The following STK33 variants were observed in gnomAD, a reference collection of about 807,000 sequenced individuals.
The protein encoded by STK33 is serine/threonine-protein kinase 33.
Under a neutral mutation model 58.0 loss-of-function variants are expected in STK33, and 52 were observed. That is an observed-to-expected ratio of 0.90 (90% CI 0.72 to 1.13). STK33 has a LOEUF of 1.13. STK33 is among the 50% of genes most tolerant of loss of function. The pLI is 0.00. For synonymous variants in STK33, 215 were observed against 200.1 expected, an observed-to-expected ratio of 1.07 and a Z score of -0.63; for missense variants, 630 against 604.2, an observed-to-expected ratio of 1.04 and a Z score of -0.45.
At chr11:8,385,668 T>C in the STK33 span, among the ~76,000 whole-genome samples, 1 of 152,224 alleles carries the variant, frequency 6.6e-6, no homozygotes, top group Non-Finnish European at 1.5e-5. Flanking sequence ...TGGGCAATGG[T>C]TTTGACTGCC....
At chr11:8,372,319 G>C in the STK33 span, among the ~76,000 whole-genome samples, 1 of 152,196 alleles carries the variant, frequency 6.6e-6, no homozygotes, top group Non-Finnish European at 1.5e-5. Flanking sequence ...CTGCAAAGCA[G>C]GGGGCTTTGA....
intron 12 of STK33, among the ~76,000 whole-genome samples, chr11:8,436,622 T>A (rs1944099208): frequency 6.6e-6 from 1 of 152,204 alleles, no homozygotes; most frequent in Non-Finnish European, 1.5e-5. Flanking sequence ...AATGGCCACC[T>A]AAGGCTTTTA....
At chr11:8,408,132 T>C (rs886542446) in intron 15 of STK33, among the ~76,000 whole-genome samples, 1 of 152,230 alleles carries the variant, frequency 6.6e-6, no homozygotes, top group Non-Finnish European at 1.5e-5. Context: ...GCACAAATTA[T>C]ATCATTATTT....
intron 1 of STK33, among the ~76,000 whole-genome samples, chr11:8,540,940 G>A (rs1049534209): frequency 4.7e-5 from 7 of 149,104 alleles, no homozygotes; most frequent in African/African-American, 1.2e-4. Context: ...TATGTGAATC[G>A]GCTTCACTAT....
intron 1 of STK33, among the ~76,000 whole-genome samples, chr11:8,564,394 T>G (rs1957314425): frequency 6.6e-6 from 1 of 152,228 alleles, no homozygotes; most frequent in African/African-American, 2.4e-5. Flanking sequence ...CTGCTGAGCC[T>G]GCTCTGCTGA....
intron 11 of STK33, among the ~76,000 whole-genome samples, chr11:8,442,884 T>C (rs1248607901): frequency 1.3e-5 from 2 of 152,182 alleles, no homozygotes; most frequent in Non-Finnish European, 2.9e-5. Flanking sequence ...TACTGTATGA[T>C]TCAATTTATA....
At chr11:8,507,757 A>G (rs1297269339) in intron 1 of STK33, among the ~76,000 whole-genome samples, 2 of 152,182 alleles carry the variant, frequency 1.3e-5, no homozygotes, top group Non-Finnish European at 1.5e-5. Flanking sequence ...TAATAATTCC[A>G]CAAGCATTTA....
At chr11:8,509,650 C>T (rs1952148867) in intron 1 of STK33, among the ~76,000 whole-genome samples, 1 of 152,156 alleles carries the variant, frequency 6.6e-6, no homozygotes, top group East Asian at 1.9e-4. Context: ...AGTCTTTTAT[C>T]CCTCACCCCC....
chr11:8,356,041 G>C, the STK33 span, among the ~76,000 whole-genome samples: 1 of 152,206 alleles, frequency 6.6e-6, no homozygotes, highest in Admixed American at 6.5e-5. Flanking sequence ...ACCAAACGCC[G>C]TTCTACCCCG....
intron 12 of STK33, 23 bp downstream of exon 12, chr11:8,440,655 T>A (rs1035257921): frequency 6.5e-7 from 1 of 1,545,860 alleles, no homozygotes; most frequent in Non-Finnish European, 8.8e-7. Flanking sequence ...CATCTTAAAG[T>A]GTACATTTAG....
At chr11:8,492,749 C>T (rs1259426604) in intron 1 of STK33, among the ~76,000 whole-genome samples, 1 of 152,184 alleles carries the variant, frequency 6.6e-6, no homozygotes, top group Non-Finnish European at 1.5e-5. Flanking sequence ...CAAACTGTCT[C>T]TCATATGACA....
intron 15 of STK33, among the ~76,000 whole-genome samples, chr11:8,406,717 C>T (rs1939282719): frequency 6.6e-6 from 1 of 152,076 alleles, no homozygotes; most frequent in South Asian, 2.1e-4. Flanking sequence ...ATCCAGCAAC[C>T]TCTTTAATTC....
chr11:8,381,788 G>T, the STK33 span, among the ~76,000 whole-genome samples: 1 of 152,026 alleles, frequency 6.6e-6, no homozygotes, highest in African/African-American at 2.4e-5. Context: ...AAAACTTTAG[G>T]TGAGTGTGGT....
intron 3 of STK33, 69 bp downstream of exon 3, chr11:8,477,181 C>CACACACACACACAT (rs1391215547): frequency 1.3e-5 from 2 of 149,326 alleles, no homozygotes; most frequent in East Asian, 3.9e-4. Flanking sequence ...CACACATACA[C>CACACACACACACAT]ATCTCTTATA....
intron 15 of STK33, among the ~76,000 whole-genome samples, chr11:8,401,406 G>C (rs937081294): frequency 2.6e-5 from 4 of 152,082 alleles, no homozygotes; most frequent in African/African-American, 9.7e-5. Context: ...TGGGAAAACT[G>C]GTTAGCCATA....
intron 14 of STK33, among the ~76,000 whole-genome samples, chr11:8,423,908 T>A (rs1488346364): frequency 6.6e-6 from 1 of 152,088 alleles, no homozygotes; most frequent in African/African-American, 2.4e-5. Flanking sequence ...AATTACTATA[T>A]AATCTTTTTG....
the STK33 span, among the ~76,000 whole-genome samples, chr11:8,365,647 C>A: frequency 6.6e-6 from 1 of 152,202 alleles, no homozygotes; most frequent in South Asian, 2.1e-4. Flanking sequence ...CTACCCACTG[C>A]CACTTTCCAG....
At chr11:8,413,317 A>G (rs931105990) in intron 15 of STK33, among the ~76,000 whole-genome samples, 178 bp downstream of exon 15, 8 of 152,226 alleles carry the variant, frequency 5.3e-5, no homozygotes, top group Non-Finnish European at 1.0e-4. Context: ...TAAAATAAAC[A>G]TGTAGGCCAC....
chr11:8,362,791 C>CT, the STK33 span, among the ~76,000 whole-genome samples: 18 of 152,136 alleles, frequency 1.2e-4, no homozygotes, highest in African/African-American at 4.1e-4. Flanking sequence ...CTTCCTTCTC[C>CT]TTTTTTTCCC....
Sources: gnomAD v4.1 joint callset for allele counts (sites outside exome capture counted in the v4.1 genomes callset) on GRCh38, gnomAD v4.1.1 for gene constraint, MANE v1.5 for transcripts, NCBI Gene and HGNC (gene_info 2026-07-23, HGNC 2026-07-21) for gene names.